Variants in GNA13 observed in about 807,000 individuals in gnomAD.
GNA13 encodes the protein guanine nucleotide-binding protein subunit alpha-13.
A neutral mutation model predicts 33.5 loss-of-function variants in GNA13; 4 were observed. That is an observed-to-expected ratio of 0.12 (90% CI 0.06 to 0.27). GNA13 has a LOEUF of 0.27. Ranked by LOEUF, GNA13 falls within the 10% of genes least tolerant of loss-of-function variation. The pLI is 1.00. For missense variants in GNA13, 319 were observed against 487.2 expected (o/e 0.65, Z 3.25); for synonymous variants, 176 against 183.8 (o/e 0.96, Z 0.34).
At chr17:65,049,640 A>ATCTTC in intron 2 of GNA13, among the ~76,000 whole-genome samples, 1 of 152,190 alleles carries the variant, frequency 6.6e-6, no homozygotes, top group Non-Finnish European at 1.5e-5. Context: ...ATTCTAGCCA[A>ATCTTC]GAAGACTGGA....
At chr17:65,028,820 T>G (rs1225546771) in intron 2 of GNA13, among the ~76,000 whole-genome samples, 1 of 152,094 alleles carries the variant, frequency 6.6e-6, no homozygotes, top group Non-Finnish European at 1.5e-5. Context: ...CAGCCTCCAC[T>G]TCCCCCACCT....
intron 1 of GNA13, chr17:65,055,750 G>A (rs1242291393): frequency 1.0e-6 from 1 of 985,350 alleles, no homozygotes; most frequent in African/African-American, 1.7e-5. Flanking sequence ...TTGACAAGAA[G>A]TCTCGGGCAA....
Position 65,053,662 on chromosome 17 carries a change from T to A in GNA13, c.350A>T (p.Gln117Leu). 6.2e-7 allele frequency: 1 copy of A among 1,614,058 alleles called. No homozygotes were observed. Among genetic ancestry groups the A allele is most frequent in the Non-Finnish European group, 8.5e-7 (1 of 1,179,920 alleles). The change falls in exon 2 of 4, where the codon CAA (glutamine) becomes CTA (leucine). Residue 117 changes from glutamine (Q) to leucine (L), a missense_variant. By Grantham distance (113) the Gln-to-Leu change is moderately radical (BLOSUM62 -2). This residue lies in a region of GNA13 where 136 missense variants were observed against 159.3 expected (regional missense o/e 0.85). Transcript: ENST00000439174. ...HIPWGDNSNQQHGDKMMSFDT... is the reference protein window; with the variant it reads ...HIPWGDNSNQLHGDKMMSFDT... The stretch of plus-strand genomic sequence containing the variant: ...AAACGACATCATCTTATCTCCATGT[T>A]GTTGGTTTGAGTTGTCTCCCCAGGG...
At chr17:65,043,672 T>C (rs571220209) in intron 2 of GNA13, among the ~76,000 whole-genome samples, 4 of 152,200 alleles carry the variant, frequency 2.6e-5, no homozygotes, top group African/African-American at 9.6e-5. Context: ...GATTTTACTA[T>C]TTAGATTAAA....
intron 2 of GNA13, among the ~76,000 whole-genome samples, chr17:65,041,249 T>G (rs955795156): frequency 2.0e-5 from 3 of 152,204 alleles, no homozygotes; most frequent in Non-Finnish European, 4.4e-5. Context: ...AATGGCCTAT[T>G]TACAAGCTAA....
At chr17:65,043,524 C>G (rs1453250345) in intron 2 of GNA13, among the ~76,000 whole-genome samples, 1 of 152,090 alleles carries the variant, frequency 6.6e-6, no homozygotes, top group Admixed American at 6.5e-5. Flanking sequence ...TGGACTCAAG[C>G]AATCTGCTCA....
intron 2 of GNA13, among the ~76,000 whole-genome samples, chr17:65,046,304 T>C (rs1295003587): frequency 6.6e-6 from 1 of 152,186 alleles, no homozygotes; most frequent in East Asian, 1.9e-4. Flanking sequence ...TTTTTATTTA[T>C]TTTTGAGACA....
chr17:65,014,156 G>C lies in GNA13; in HGVS notation c.*101C>G. 2.9e-6 allele frequency: 2 copies of C among 688,546 alleles called. No homozygotes were observed. Among genetic ancestry groups the C allele is most frequent in the Non-Finnish European group, 5.0e-6 (2 of 402,698 alleles). 42.7% of individuals were successfully genotyped at this position (688,546 alleles called of 1,614,324 possible). On this transcript the variant is annotated 3_prime_UTR_variant, in exon 4 of 4. Transcript: ENST00000439174. This position sits in a 1 kb window ranked among gnomAD's most constrained non-coding sequence, Gnocchi z 5.3. ...TTCAAGAAGTTAAACGTAGAATTAAGATTGTTCTAATTCTGGTTGTAAACT... is the reference window on the plus strand; with the variant it reads ...TTCAAGAAGTTAAACGTAGAATTAACATTGTTCTAATTCTGGTTGTAAACT...
intron 2 of GNA13, among the ~76,000 whole-genome samples, chr17:65,031,921 AGTGTGTGT>A (rs148637639): frequency 2.1e-3 from 194 of 91,666 alleles, no homozygotes; most frequent in African/African-American, 8.4e-3. Context: ...AGAGAGAGAG[AGTGTGTGT>A]GTGTGTGTGT....
intron 2 of GNA13, among the ~76,000 whole-genome samples, chr17:65,023,900 G>A (rs1244394724): frequency 2.6e-5 from 4 of 152,204 alleles, no homozygotes; most frequent in African/African-American, 9.7e-5. Context: ...GGCAAACACT[G>A]AGAAGAATCT....
chr17:65,028,556 C>T (rs1906889630), intron 2 of GNA13, among the ~76,000 whole-genome samples: 1 of 151,996 alleles, frequency 6.6e-6, no homozygotes, highest in Non-Finnish European at 1.5e-5. Context: ...GCAGTTGCCT[C>T]TTGTAATTAG....
In GNA13 at chr17:65,012,664, C is replaced by T. The variant is rs1906236583; in HGVS notation, c.*1593G>A. 1 of 226,652 alleles carries T rather than the reference C, an allele frequency of 4.4e-6. No individual in the cohort carries two copies. The highest frequency in any genetic ancestry group is 5.7e-5 in the Admixed American group (1 of 17,544). The allele number at this position is 226,652 out of a possible 1,614,324, so 14.0% of individuals were successfully genotyped here. A position where few individuals can be genotyped will look rare whatever the true frequency, so the allele number is the denominator to read the frequency against. ...TGAAAAGCCCCACTCTCGTATCAGA[C>T]AGCAAGACAGAACAACAGCCACTGA... On this transcript the variant is annotated 3_prime_UTR_variant, in exon 4 of 4. Transcript: ENST00000439174.
In GNA13 at chr17:65,015,000, G is replaced by C. The variant is rs1217610696; in HGVS notation, c.562-171C>G. Among the ~76,000 whole-genome samples, 2 of 152,148 alleles carry C rather than the reference G, an allele frequency of 1.3e-5. No homozygotes were observed. The highest frequency in any genetic ancestry group is 1.3e-4 in the Admixed American group (2 of 15,270). ...TGCCAAGACTGGTCAGACATGGTGG[G>C]TCATGCCTATAATCCCAGCACTTTG... On this transcript the variant is annotated intron_variant, in intron 3 of 3. Transcript: ENST00000439174. The surrounding 1 kb of genome is among the most constrained non-coding windows in gnomAD (Gnocchi z 5.3).
At chr17:65,040,148 AC>A (rs1907402194) in intron 2 of GNA13, among the ~76,000 whole-genome samples, 2 of 152,212 alleles carry the variant, frequency 1.3e-5, no homozygotes, top group Admixed American at 6.5e-5. Flanking sequence ...AACAAGGGGA[AC>A]CTTGGTTCTC....
At chr17:65,029,948 C>A (rs1227770121) in intron 2 of GNA13, among the ~76,000 whole-genome samples, 1 of 151,960 alleles carries the variant, frequency 6.6e-6, no homozygotes, top group East Asian at 1.9e-4. Flanking sequence ...GAAAAGAGAT[C>A]AACTCAAATG....
intron 2 of GNA13, among the ~76,000 whole-genome samples, chr17:65,046,526 A>G (rs1263861201): frequency 6.6e-6 from 1 of 152,182 alleles, no homozygotes; most frequent in Non-Finnish European, 1.5e-5. Context: ...TCTTGGCCTC[A>G]AGCATTCCTC....
intron 2 of GNA13, among the ~76,000 whole-genome samples, chr17:65,031,952 G>C: frequency 6.7e-6 from 1 of 149,386 alleles, no homozygotes; most frequent in Non-Finnish European, 1.5e-5. Context: ...GTGTGTGTGT[G>C]TGTGTATAAA....
chr17:65,016,086 G>A (rs1034420002), intron 3 of GNA13, among the ~76,000 whole-genome samples: 3 of 152,206 alleles, frequency 2.0e-5, no homozygotes, highest in Non-Finnish European at 4.4e-5. Flanking sequence ...TGGCTACTCT[G>A]TGATGGCACA....
intron 2 of GNA13, among the ~76,000 whole-genome samples, chr17:65,051,689 CTACCAAAAA>C (rs1298881071): frequency 6.6e-6 from 1 of 152,188 alleles, no homozygotes; most frequent in East Asian, 1.9e-4. Flanking sequence ...GCAAGCAAAT[CTACCAAAAA>C]TAAAGTAATA....
Sources: allele counts gnomAD v4.1 joint callset (sites outside exome capture counted in the v4.1 genomes callset), GRCh38; gene constraint gnomAD v4.1.1; regional missense constraint gnomAD v4.1.1; non-coding constraint Gnocchi (gnomAD v3.1); transcripts MANE v1.5; gene names NCBI Gene and HGNC (gene_info 2026-07-23, HGNC 2026-07-21).